WDR97: variants seen among roughly 807,000 people sequenced by gnomAD.
WDR97 encodes the protein WD repeat domain 97.
WDR97 carries 111 observed loss-of-function variants against 65.4 expected under a neutral mutation model. The observed-to-expected ratio is 1.70, with a 90% CI of 1.45 to 1.99. The LOEUF is 1.99. Ranked by LOEUF, WDR97 falls within the 30% of genes most tolerant of loss-of-function variation. WDR97 has a pLI of 0.00. For synonymous variants in WDR97, 802 were observed against 397.7 expected (o/e 2.02, Z -12.10); for missense variants, 1,674 against 865.0 (o/e 1.94, Z -11.73).
chr8:144,114,968 C>T, intron 21 of WDR97, 57 bp downstream of exon 21: 1 of 635,620 alleles, frequency 1.6e-6, no homozygotes, highest in East Asian at 2.7e-5. Context: ...CTCTGGCTTT[C>T]TGCAAGTCCT....
rs1403415414 is a variant in WDR97 at position 144,109,170 on chromosome 8, G to A, written c.1000G>A (p.Gly334Ser). 2.8e-6 allele frequency: 2 copies of A among 702,788 alleles called. No individual in the cohort carries two copies. The highest frequency in any genetic ancestry group is 2.0e-5 in the Admixed American group (1 of 50,004). The allele number at this position is 702,788 out of a possible 1,614,324, so 43.5% of individuals were successfully genotyped here. Residue 334 changes from glycine to serine, a missense_variant and splice_region_variant, in exon 4 of 24, where the codon GGC (glycine) becomes AGC (serine). By Grantham distance (56) the Gly-to-Ser change is moderately conservative. Coordinates refer to ENST00000323662, the MANE Select transcript of WDR97 (RefSeq NM_001316309.2). ...QIRMVFVGHT[G>S]PVTAMTVLPN... ...CCGGATGGTGTTCGTGGGCCACACA[G>A]GTGCTCTGAGTTCTCTGCACCCCGA... is the stretch of plus-strand genomic sequence containing the variant.
At chr8:144,111,331 G>A in intron 10 of WDR97, 95 bp from the exon 11 acceptor site, 1 of 702,756 alleles carries the variant, frequency 1.4e-6, no homozygotes, top group Non-Finnish European at 2.6e-6. Context: ...CCTGAGCCCT[G>A]GCACACCCGT....
chr8:144,112,917 T>G (rs181424522), intron 15 of WDR97: 1 of 306,690 alleles, frequency 3.3e-6, no homozygotes, highest in Non-Finnish European at 6.1e-6. Flanking sequence ...CAAGGGAACC[T>G]GGCCCTTTAG....
In WDR97 at chr8:144,116,997, C is replaced by G. The variant is rs1169636203; in HGVS notation, c.*704C>G. 1 of 152,334 alleles carries G rather than the reference C, an allele frequency of 6.6e-6. No homozygotes were observed. The highest frequency in any genetic ancestry group is 1.5e-5 in the Non-Finnish European group (1 of 68,130). 9.4% of individuals were successfully genotyped at this position (152,334 alleles called of 1,614,324 possible). The stretch of plus-strand genomic sequence containing the variant: ...GGGAATCCCCGGCTTTTACACCTGT[C>G]TTTTGTGTTGTCTGAGCAGTGATTT... On this transcript the variant is annotated 3_prime_UTR_variant, in exon 24 of 24. Coordinates refer to ENST00000323662, the MANE Select transcript of WDR97 (RefSeq NM_001316309.2).
In WDR97 at chr8:144,109,348, T is replaced by C. The variant is rs1587623131; in HGVS notation, c.1014T>C (p.Ala338=). 2 of 702,574 alleles carry C rather than the reference T, an allele frequency of 2.8e-6. No individual in the cohort carries two copies. The highest frequency in any genetic ancestry group is 3.0e-5 in the South Asian group (2 of 67,576). 43.5% of individuals were successfully genotyped at this position (702,574 alleles called of 1,614,324 possible). A position where few individuals can be genotyped will look rare whatever the true frequency, so the allele number is the denominator to read the frequency against. The change falls in exon 5 of 24, where the codon GCT becomes GCC. Residue 338 remains alanine (A), a synonymous_variant. Transcript: ENST00000323662. ...VFVGHTGPVT[A]MTVLPNTTLV... is the part of the protein sequence containing the mutation. ...CCCCTCCCACAGGCCCGGTGACGGC[T>C]ATGACTGTGCTCCCGAACACGACCC...
Position 144,114,159 on chromosome 8 carries a change from G to T in WDR97, c.3591G>T (p.Leu1197=). 1.4e-6 allele frequency: 1 copy of T among 702,636 alleles called. No individual in the cohort carries two copies. Among genetic ancestry groups the T allele is most frequent in the Non-Finnish European group, 2.6e-6 (1 of 384,806 alleles). The allele number at this position is 702,636 out of a possible 1,614,324, so 43.5% of individuals were successfully genotyped here. ...AAAAGTTGTTCCCCATCTTCAGCCT[G>T]CAGGTTGGAGGGAACTGGGGATGCA... ...WFKKLFPIFS[L]QAYPEAGTIE... The change falls in exon 18 of 24, where the codon CTG becomes CTT. Residue 1197 remains leucine, a synonymous_variant. Coordinates refer to ENST00000323662, the MANE Select transcript of WDR97 (RefSeq NM_001316309.2).
Position 144,109,991 on chromosome 8 carries a change from T to C in WDR97, c.1657T>C (p.Leu553=). Residue 553 remains leucine (L), a synonymous_variant, in exon 5 of 24, where the codon TTG becomes CTG. Coordinates refer to ENST00000323662, the MANE Select transcript of WDR97 (RefSeq NM_001316309.2). ...WEIVRQHWGE[L]RCSSVACAWK... is the part of the protein sequence containing the mutation. ...GATCGTGCGCCAGCACTGGGGCGAG[T>C]TGCGCTGCAGCTCTGTGGCCTGCGC... 1 of 700,776 alleles carries C rather than the reference T, an allele frequency of 1.4e-6. No homozygotes were observed. The highest frequency in any genetic ancestry group is 1.5e-5 in the South Asian group (1 of 67,406). The allele number at this position is 700,776 out of a possible 1,614,324, so 43.4% of individuals were successfully genotyped here. A position where few individuals can be genotyped will look rare whatever the true frequency, so the allele number is the denominator to read the frequency against.
chr8:144,112,445 A>T lies in WDR97; in HGVS notation c.3022-2A>T. 1.4e-6 allele frequency: 1 copy of T among 702,570 alleles called. No homozygotes were observed. Among genetic ancestry groups the T allele is most frequent in the Non-Finnish European group, 2.6e-6 (1 of 384,892 alleles). The allele number at this position is 702,570 out of a possible 1,614,324, so 43.5% of individuals were successfully genotyped here. ...GTTCTGAGCCCCCATTCCATCCCCCAGATCCCACTGCTGCCAAAGAGATGG... is the reference window on the plus strand; with the variant it reads ...GTTCTGAGCCCCCATTCCATCCCCCTGATCCCACTGCTGCCAAAGAGATGG... On this transcript the variant is annotated splice_acceptor_variant, in intron 14 of 23. Coordinates refer to ENST00000323662, the MANE Select transcript of WDR97 (RefSeq NM_001316309.2). LOFTEE classifies it high-confidence loss of function.
At position 144,108,138 on chromosome 8, in the gene WDR97, C is replaced by T. The variant is rs1836455463; in HGVS notation, c.192C>T (p.Ala64=). The T allele has an allele frequency of 1.4e-6, 1 of 702,350 alleles. No individual in the cohort carries two copies. The highest frequency in any genetic ancestry group is 1.7e-5 in the African/African-American group (1 of 57,274). The allele number at this position is 702,350 out of a possible 1,614,324, so 43.5% of individuals were successfully genotyped here. A position where few individuals can be genotyped will look rare whatever the true frequency, so the allele number is the denominator to read the frequency against. ...SQQWQSLTPR[A]RARRLWLLLR... is the part of the protein sequence containing the mutation. Reference sequence around the variant, plus strand: ...AGTGGCAAAGCCTGACCCCGCGCGCCCGCGCCCGCCGGCTGTGGCTGCTTC... The same window carrying T: ...AGTGGCAAAGCCTGACCCCGCGCGCTCGCGCCCGCCGGCTGTGGCTGCTTC... The change falls in exon 2 of 24, where the codon GCC becomes GCT. Residue 64 remains alanine (A), a synonymous_variant. Transcript: ENST00000323662.
In WDR97 at chr8:144,109,539, G is replaced by GCGCGAGCAGCATGCAGCTGTGGCGCGTA. The variant is rs752363977; in HGVS notation, c.1213_1240dup (p.Leu414GlnfsTer256). 7.0e-5 allele frequency: 49 copies of GCGCGAGCAGCATGCAGCTGTGGCGCGTA among 697,544 alleles called. No homozygotes were observed. Among genetic ancestry groups the GCGCGAGCAGCATGCAGCTGTGGCGCGTA allele is most frequent in the Non-Finnish European group, 8.4e-5 (32 of 382,576 alleles). 43.2% of individuals were successfully genotyped at this position (697,544 alleles called of 1,614,324 possible). A position where few individuals can be genotyped will look rare whatever the true frequency, so the allele number is the denominator to read the frequency against. On this transcript the variant is annotated frameshift_variant, in exon 5 of 24. Transcript: ENST00000323662. LOFTEE classifies it high-confidence loss of function. ...CCGGGCTGGCCGGTGCTGTCCCTGT[G>GCGCGAGCAGCATGCAGCTGTGGCGCGTA]CGCGAGCAGCATGCAGCTGTGGCGC...
At position 144,114,633 on chromosome 8, in the gene WDR97, T is replaced by C. The variant is rs1836615204; in HGVS notation, c.3872T>C (p.Leu1291Pro). The C allele has an allele frequency of 5.7e-6, 4 of 702,864 alleles. No individual in the cohort carries two copies. The highest frequency in any genetic ancestry group is 4.4e-5 in the South Asian group (3 of 67,604). The allele number at this position is 702,864 out of a possible 1,614,324, so 43.5% of individuals were successfully genotyped here. A position where few individuals can be genotyped will look rare whatever the true frequency, so the allele number is the denominator to read the frequency against. ...ACSLESRDVV[L>P]ELMSYFLYSP... ...TCCCTGGAGTCCCGGGATGTGGTGC[T>C]GGAGCTCATGTCCTACTTCCTCTAC... is the stretch of plus-strand genomic sequence containing the variant. Residue 1291 changes from leucine to proline, a missense_variant, in exon 20 of 24, where the codon CTG becomes CCG. Leu to Pro is a moderately conservative substitution (Grantham distance 98). Transcript: ENST00000323662.
At chr8:144,111,294 G>T (rs1226116893) in intron 10 of WDR97, 72 bp downstream of exon 10, 1 of 702,658 alleles carries the variant, frequency 1.4e-6, no homozygotes, top group Admixed American at 2.0e-5. Context: ...TGGCGGTGTG[G>T]GGCCCTCTGG....
chr8:144,112,307 G>T lies in WDR97; in HGVS notation c.2979G>T (p.Thr993=). 1 of 702,726 alleles carries T rather than the reference G, an allele frequency of 1.4e-6. No individual in the cohort carries two copies. The highest frequency in any genetic ancestry group is 1.5e-5 in the South Asian group (1 of 67,588). The allele number at this position is 702,726 out of a possible 1,614,324, so 43.5% of individuals were successfully genotyped here. A position where few individuals can be genotyped will look rare whatever the true frequency, so the allele number is the denominator to read the frequency against. Residue 993 remains threonine (T), a synonymous_variant, in exon 14 of 24, where the codon ACG becomes ACT. Transcript: ENST00000323662. ...QLQLEQLRGR[T]TMALDLPSSH... ...AGTTGGAGCAGCTCCGAGGGAGGAC[G>T]ACCATGGCCCTGGACCTGCCATCCT...
rs1365388223 is a variant in WDR97 at position 144,108,701 on chromosome 8, T to C, written c.635T>C (p.Leu212Pro). 1.4e-6 allele frequency: 1 copy of C among 701,042 alleles called. No individual in the cohort carries two copies. The highest frequency in any genetic ancestry group is 2.6e-6 in the Non-Finnish European group (1 of 384,570). The allele number at this position is 701,042 out of a possible 1,614,324, so 43.4% of individuals were successfully genotyped here. Residue 212 changes from leucine to proline, a missense_variant, in exon 3 of 24, where the codon CTC becomes CCC. By Grantham distance (98) the Leu-to-Pro change is moderately conservative. Transcript: ENST00000323662. ...CLPVPDLRLL[L>P]VAEMNSSLAL... ...CCGGTTCCCGACCTCAGGCTGCTGCTCGTTGCGGAGATGAACAGCAGCCTG... is the reference window on the plus strand; with the variant it reads ...CCGGTTCCCGACCTCAGGCTGCTGCCCGTTGCGGAGATGAACAGCAGCCTG...
At position 144,113,753 on chromosome 8, in the gene WDR97, G is replaced by A; in HGVS notation, c.3280G>A (p.Gly1094Arg). The A allele has an allele frequency of 1.4e-6, 1 of 701,838 alleles. No individual in the cohort carries two copies. The highest frequency in any genetic ancestry group is 1.5e-5 in the South Asian group (1 of 67,324). 43.5% of individuals were successfully genotyped at this position (701,838 alleles called of 1,614,324 possible). A position where few individuals can be genotyped will look rare whatever the true frequency, so the allele number is the denominator to read the frequency against. ...KLLQWMGEKP[G>R]EEGEEDKKEE... ...GCTCCAATGGATGGGGGAGAAGCCT[G>A]GGGAGGAGGGGGAGGAAGACAAGAA... The change falls in exon 17 of 24, where the codon GGG becomes AGG. Residue 1094 changes from glycine to arginine, a missense_variant. By Grantham distance (125) the Gly-to-Arg change is moderately radical. Transcript: ENST00000323662.
chr8:144,116,266 G>C lies in WDR97; in HGVS notation c.4842G>C (p.Ala1614=). 1.5e-6 allele frequency: 1 copy of C among 658,756 alleles called. No individual in the cohort carries two copies. The highest frequency in any genetic ancestry group is 2.7e-5 in the East Asian group (1 of 36,382). The allele number at this position is 658,756 out of a possible 1,614,324, so 40.8% of individuals were successfully genotyped here. The change falls in exon 24 of 24, where the codon GCG becomes GCC. Residue 1614 remains alanine (A), a synonymous_variant. Coordinates refer to ENST00000323662, the MANE Select transcript of WDR97 (RefSeq NM_001316309.2). Reference sequence around the variant, plus strand: ...CCCTGCAGCGCTACTTTCTGCCAGCGGACGCGGACCCTGACACCTACAGCT... The same window carrying C: ...CCCTGCAGCGCTACTTTCTGCCAGCCGACGCGGACCCTGACACCTACAGCT... ...QPALQRYFLP[A]DADPDTYS is the part of the protein sequence containing the mutation.
At position 144,113,467 on chromosome 8, in the gene WDR97, G is replaced by GGCTATGT. The variant is rs1564322486; in HGVS notation, c.3136_3142dup (p.Pro1048LeufsTer125). 1.4e-6 allele frequency: 1 copy of GGCTATGT among 702,328 alleles called. No homozygotes were observed. Among genetic ancestry groups the GGCTATGT allele is most frequent in the Admixed American group, 2.0e-5 (1 of 50,000 alleles). The allele number at this position is 702,328 out of a possible 1,614,324, so 43.5% of individuals were successfully genotyped here. A position where few individuals can be genotyped will look rare whatever the true frequency, so the allele number is the denominator to read the frequency against. The stretch of plus-strand genomic sequence containing the variant: ...CTGCCTGAGGCCCATCTGCTTCCCC[G>GGCTATGT]GCTATGTGCCCAACTCCGCGGTGCT... On this transcript the variant is annotated frameshift_variant, in exon 16 of 24. Coordinates refer to ENST00000323662, the MANE Select transcript of WDR97 (RefSeq NM_001316309.2). LOFTEE classifies it high-confidence loss of function.
rs1490409870 is a variant in WDR97 at position 144,109,829 on chromosome 8, G to C, written c.1495G>C (p.Val499Leu). Reference sequence around the variant, plus strand: ...GCTGCTGACCAGGGCTGGGCACCTGGTCCGCGCCAACGCGGCGCGCTGCCC... The same window carrying C: ...GCTGCTGACCAGGGCTGGGCACCTGCTCCGCGCCAACGCGGCGCGCTGCCC... ...LWLLTRAGHL[V>L]RANAARCPMS... The change falls in exon 5 of 24, where the codon GTC (valine) becomes CTC (leucine). Residue 499 changes from valine (V) to leucine (L), a missense_variant. Coordinates refer to ENST00000323662, the MANE Select transcript of WDR97 (RefSeq NM_001316309.2). 4.4e-6 allele frequency: 3 copies of C among 687,986 alleles called. No individual in the cohort carries two copies. Among genetic ancestry groups the C allele is most frequent in the Non-Finnish European group, 5.3e-6 (2 of 378,726 alleles). 42.6% of individuals were successfully genotyped at this position (687,986 alleles called of 1,614,324 possible). A position where few individuals can be genotyped will look rare whatever the true frequency, so the allele number is the denominator to read the frequency against.
Position 144,113,889 on chromosome 8 carries a change from C to T in WDR97, c.3408+8C>T, listed in dbSNP as rs547904271. The T allele has an allele frequency of 6.1e-5, 42 of 688,402 alleles. No homozygotes were observed. The East Asian group carries it at 1.1e-3, about 19-fold the overall frequency. 42.6% of individuals were successfully genotyped at this position (688,402 alleles called of 1,614,324 possible). On this transcript the variant is annotated splice_region_variant and intron_variant, in intron 17 of 23. Coordinates refer to ENST00000323662, the MANE Select transcript of WDR97 (RefSeq NM_001316309.2). ...TGGGAACTGGAGGATCAGGTAGAGG[C>T]TCAGGCAGAGGCCCCAGGCCACCAC...
Sources: gnomAD v4.1 joint callset for allele counts on GRCh38, gnomAD v4.1.1 for gene constraint, MANE v1.5 for transcripts, NCBI Gene and HGNC (gene_info 2026-07-23, HGNC 2026-07-21) for gene names.